Variants in PCDHGA4 observed in about 807,000 individuals in gnomAD.
The protein encoded by PCDHGA4 is protocadherin gamma-A4.
A neutral mutation model predicts 54.6 loss-of-function variants in PCDHGA4; 38 were observed. That is an observed-to-expected ratio of 0.70 (90% confidence interval 0.54 to 0.91). PCDHGA4 has a LOEUF of 0.91. Among genes scored for constraint, PCDHGA4 ranks in the 40% least tolerant of loss-of-function variants. PCDHGA4 has a pLI of 0.00. For synonymous variants in PCDHGA4, 511 were observed against 512.9 expected, an observed-to-expected ratio of 1.00 and a Z score of 0.05; for missense variants, 1,298 against 1,220.9, an observed-to-expected ratio of 1.06 and a Z score of -0.94.
chr5:141,365,603 A>C (rs1198770505), intron 1 of PCDHGA4: 2 of 1,613,602 alleles, frequency 1.2e-6, no homozygotes, highest in Non-Finnish European at 1.7e-6. Flanking sequence ...TTTAACCGTC[A>C]TGGACCATGG....
At chr5:141,467,134 C>T (rs905270517) in intron 1 of PCDHGA4, among the ~76,000 whole-genome samples, 19 of 151,750 alleles carry the variant, frequency 1.3e-4, no homozygotes, top group African/African-American at 4.6e-4. Flanking sequence ...CTCACTGCAA[C>T]CTCTGCCTCC....
At chr5:141,452,831 G>A (rs1184490491) in intron 1 of PCDHGA4, among the ~76,000 whole-genome samples, 1 of 152,104 alleles carries the variant, frequency 6.6e-6, no homozygotes, top group Non-Finnish European at 1.5e-5. Flanking sequence ...AAAATCACTT[G>A]GTCCAGCCCA....
At chr5:141,502,925 C>T (rs962871271) in intron 2 of PCDHGA4, among the ~76,000 whole-genome samples, 5 of 145,518 alleles carry the variant, frequency 3.4e-5, no homozygotes, top group Non-Finnish European at 5.9e-5. Flanking sequence ...GCAGTGGCAA[C>T]CTTCACCTCC....
At chr5:141,398,387 G>T in intron 1 of PCDHGA4, 2 of 1,455,430 alleles carry the variant, frequency 1.4e-6, no homozygotes, top group Non-Finnish European at 1.9e-6. Context: ...TTGCTTGTGA[G>T]CAGCAGGCTA....
At chr5:141,384,753 G>T (rs114533608) in intron 1 of PCDHGA4, 2 of 1,614,010 alleles carry the variant, frequency 1.2e-6, no homozygotes, top group African/African-American at 1.3e-5. Flanking sequence ...GACTCTTTGC[G>T]GTTGGGCTGT....
At chr5:141,374,042 C>G (rs757758510) in intron 1 of PCDHGA4, 4 of 1,460,408 alleles carry the variant, frequency 2.7e-6, no homozygotes, top group Admixed American at 5.4e-5. Context: ...CAGATCTGTT[C>G]TTCCTCTTCT....
chr5:141,474,188 T>C (rs1203777014), intron 1 of PCDHGA4, among the ~76,000 whole-genome samples: 1 of 152,216 alleles, frequency 6.6e-6, no homozygotes, highest in Non-Finnish European at 1.5e-5. Context: ...CTACTTACAT[T>C]TTTAAAAGCT....
chr5:141,415,947 C>T (rs1161530180), intron 1 of PCDHGA4: 1 of 532,382 alleles, frequency 1.9e-6, no homozygotes, highest in Admixed American at 4.2e-5. Flanking sequence ...CCTGGGTGGT[C>T]ACATATTGAA....
At position 141,476,613 on chromosome 5, in the gene PCDHGA4, G is replaced by A; in HGVS notation, c.2515-18194G>A. On this transcript the variant is annotated intron_variant, in intron 1 of 3. Coordinates refer to ENST00000571252, the MANE Select transcript of PCDHGA4 (RefSeq NM_018917.4). This position sits in a 1 kb window ranked among gnomAD's most constrained non-coding sequence, Gnocchi z 7.6. ...AGCGCGCACGATCCCGATGTGGGAA[G>A]CAACTCTTTACAAACCTATGAGCTG... is the stretch of plus-strand genomic sequence containing the variant. 1 of 1,614,266 alleles carries A rather than the reference G, an allele frequency of 6.2e-7. No homozygotes were observed. The highest frequency in any genetic ancestry group is 1.3e-5 in the African/African-American group (1 of 75,078).
intron 1 of PCDHGA4, among the ~76,000 whole-genome samples, chr5:141,369,266 C>T (rs1021396846): frequency 2.0e-5 from 3 of 152,132 alleles, no homozygotes; most frequent in African/African-American, 7.2e-5. Context: ...ATTATAAGGA[C>T]TTACAATTCA....
In PCDHGA4 at chr5:141,485,146, G is replaced by C; in HGVS notation, c.2515-9661G>C. 6.4e-7 allele frequency: 1 copy of C among 1,569,470 alleles called. No individual in the cohort carries two copies. Among genetic ancestry groups the C allele is most frequent in the Non-Finnish European group, 8.7e-7 (1 of 1,143,568 alleles). On this transcript the variant is annotated intron_variant, in intron 1 of 3. Transcript: ENST00000571252. The surrounding 1 kb of genome is among the most constrained non-coding windows in gnomAD (Gnocchi z 5.7). Reference sequence around the variant, plus strand: ...GGTCGGCTTCATCCGCGTCTCAGGAGCAAGTAGAGAATTAGCGGGCGGCAG... The same window carrying C: ...GGTCGGCTTCATCCGCGTCTCAGGACCAAGTAGAGAATTAGCGGGCGGCAG...
chr5:141,476,727 G>A lies in PCDHGA4; in HGVS notation c.2515-18080G>A, dbSNP rs762236731. On this transcript the variant is annotated intron_variant, in intron 1 of 3. Coordinates refer to ENST00000571252, the MANE Select transcript of PCDHGA4 (RefSeq NM_018917.4). This position sits in a 1 kb window ranked among gnomAD's most constrained non-coding sequence, Gnocchi z 7.6. ...CTGGTGTTGGAGCGCGCCCTGGACC[G>A]AGAACGGGAGCCTAGTCTCCAGTTA... 5 of 1,614,108 alleles carry A rather than the reference G, an allele frequency of 3.1e-6. No individual in the cohort carries two copies. Among genetic ancestry groups the A allele is most frequent in the Non-Finnish European group, 4.2e-6 (5 of 1,180,032 alleles).
At position 141,371,163 on chromosome 5, in the gene PCDHGA4, G is replaced by C. The variant is rs79773129; in HGVS notation, c.2514+13542G>C. 1.0e-4 allele frequency: 165 copies of C among 1,613,984 alleles called. No individual in the cohort carries two copies. In the African/African-American group the frequency reaches 2.0e-3, roughly 19 times the overall value. ...GGTCAATGTTGCAGAGAACCTGCCC[G>C]CTGGCTCCTCCGTATTAAAAGTGAT... On this transcript the variant is annotated intron_variant, in intron 1 of 3. Coordinates refer to ENST00000571252, the MANE Select transcript of PCDHGA4 (RefSeq NM_018917.4).
chr5:141,399,084 T>C (rs752476131), intron 1 of PCDHGA4: 2 of 1,613,796 alleles, frequency 1.2e-6, no homozygotes, highest in South Asian at 1.1e-5. Context: ...AAGGGAGGGA[T>C]GGTGGTGGAC....
chr5:141,423,435 G>A (rs2096740494), intron 1 of PCDHGA4: 1 of 1,613,892 alleles, frequency 6.2e-7, no homozygotes, highest in Admixed American at 1.7e-5. Context: ...TGGCAGGTAT[G>A]CCCACGTCAC....
rs2099697431 is a variant in PCDHGA4 at position 141,490,222 on chromosome 5, C to T, written c.2515-4585C>T. The T allele has an allele frequency of 6.2e-7, 1 of 1,614,094 alleles. No homozygotes were observed. Among genetic ancestry groups the T allele is most frequent in the African/African-American group, 1.3e-5 (1 of 74,934 alleles). On this transcript the variant is annotated intron_variant, in intron 1 of 3. Coordinates refer to ENST00000571252, the MANE Select transcript of PCDHGA4 (RefSeq NM_018917.4). This position sits in a 1 kb window ranked among gnomAD's most constrained non-coding sequence, Gnocchi z 5.4. The stretch of plus-strand genomic sequence containing the variant: ...TGCAAGAGCCCGTGACCAGGGACAG[C>T]CTGCCATGGAGGGCCACTGTGTGAT...
At chr5:141,430,559 G>C in intron 1 of PCDHGA4, 1 of 418,772 alleles carries the variant, frequency 2.4e-6, no homozygotes. Flanking sequence ...CACCAATCGG[G>C]GAGAGAAAAG....
At chr5:141,410,849 C>CTTGTTTTTTTTTTTTTTT (rs2095431880) in intron 1 of PCDHGA4, 1 of 129,786 alleles carries the variant, frequency 7.7e-6, no homozygotes, top group African/African-American at 6.0e-5. Context: ...TTGTCTTTGT[C>CTTGTTTTTTTTTTTTTTT]TTTTTTTTTT....
chr5:141,495,386 G>C (rs2099760934), intron 2 of PCDHGA4, among the ~76,000 whole-genome samples: 1 of 152,214 alleles, frequency 6.6e-6, no homozygotes, highest in Non-Finnish European at 1.5e-5. Context: ...GGACTGGGCG[G>C]GGCATGGAGC....
Sources: gnomAD v4.1 joint callset for allele counts (sites outside exome capture counted in the v4.1 genomes callset) on GRCh38, gnomAD v4.1.1 for gene constraint, Gnocchi (gnomAD v3.1) non-coding constraint, MANE v1.5 for transcripts, NCBI Gene and HGNC (gene_info 2026-07-23, HGNC 2026-07-21) for gene names.